The following TJP2 variants were observed in gnomAD, a reference collection of about 807,000 sequenced individuals.
The protein encoded by TJP2 is Friedreich ataxia region gene X104 (tight junction protein ZO-2).
A neutral mutation model predicts 133.1 loss-of-function variants in TJP2; 91 were observed. The ratio of observed to expected loss-of-function variants is 0.68; its 90% CI spans 0.58 to 0.81. The LOEUF is 0.81. Ranked by LOEUF, TJP2 falls within the 40% of genes least tolerant of loss-of-function variation. The pLI is 0.00. For synonymous variants in TJP2, 592 were observed against 583.4 expected (o/e 1.01, Z -0.21); for missense variants, 1,541 against 1,565.6 (o/e 0.98, Z 0.26).
At chr9:69,215,489 A>G (rs947446030) in intron 2 of TJP2, among the ~76,000 whole-genome samples, 1 of 151,412 alleles carries the variant, frequency 6.6e-6, no homozygotes, top group Non-Finnish European at 1.5e-5. Context: ...GGCTCAGGTG[A>G]TTCTCCCACC....
chr9:69,158,914 T>G (rs1271411317), intron 2 of TJP2, among the ~76,000 whole-genome samples: 1 of 152,154 alleles, frequency 6.6e-6, no homozygotes, highest in Non-Finnish European at 1.5e-5. Context: ...TCAGTCAAAA[T>G]TTTTATTCAT....
rs973822931 is a variant in TJP2 at position 69,162,373 on chromosome 9, C to T, written c.-10+10602C>T. On this transcript the variant is annotated intron_variant, in intron 2 of 5. Transcript: ENST00000423935. ...AGGAATATTCTATTCTGTTTAACAT[C>T]TTACAGGTTATTATCTTACATGTCT... Among the ~76,000 whole-genome samples the T allele has an allele frequency of 4.6e-5, 7 of 151,898 alleles. No homozygotes were observed. The East Asian group carries it at 1.2e-3, about 25-fold the overall frequency.
chr9:69,178,812 G>T (rs1222938099), intron 1 of TJP2, among the ~76,000 whole-genome samples: 1 of 152,112 alleles, frequency 6.6e-6, no homozygotes, highest in African/African-American at 2.4e-5. Flanking sequence ...TGATAGGGGA[G>T]GAAGTATTTT....
At chr9:69,146,627 A>G (rs970414912) in intron 1 of TJP2, among the ~76,000 whole-genome samples, 12 of 152,324 alleles carry the variant, frequency 7.9e-5, no homozygotes, top group African/African-American at 2.4e-4. Flanking sequence ...CCATTGTCCT[A>G]TCTCCCCAAG....
chr9:69,236,967 T>C lies in TJP2; in HGVS notation c.2010T>C (p.Ser670=), dbSNP rs1830235038. The change falls in exon 14 of 23, where the codon AGT becomes AGC. Residue 670 remains serine (S), a synonymous_variant. Transcript: ENST00000377245. ...TTCTCAGAGCTGAACAAATGGCCAG[T>C]GTTCAAAATGCCCAGAGAGACAACG... ...PNKSRAEQMA[S]VQNAQRDNAG... is the part of the protein sequence containing the mutation. The C allele has an allele frequency of 6.2e-7, 1 of 1,614,236 alleles. No homozygotes were observed. Among genetic ancestry groups the C allele is most frequent in the African/African-American group, 1.3e-5 (1 of 75,060 alleles).
chr9:69,225,716 T>C (rs1177770270), intron 6 of TJP2, among the ~76,000 whole-genome samples: 1 of 152,244 alleles, frequency 6.6e-6, no homozygotes, highest in East Asian at 1.9e-4. Flanking sequence ...GATATATGAA[T>C]GCTGAATATT....
intron 4 of TJP2, among the ~76,000 whole-genome samples, chr9:69,220,048 G>A (rs1588088796): frequency 6.6e-6 from 1 of 152,162 alleles, no homozygotes; most frequent in East Asian, 1.9e-4. Flanking sequence ...CTATCGGGAG[G>A]GTGAGGCACG....
At chr9:69,216,488 G>A (rs761964645) in intron 3 of TJP2, 25 bp downstream of exon 3, 1 of 1,613,522 alleles carries the variant, frequency 6.2e-7, no homozygotes, top group Non-Finnish European at 8.5e-7. Context: ...TCGCTCCGCA[G>A]CCCCTACCAG....
intron 22 of TJP2, 78 bp downstream of exon 22, chr9:69,252,978 C>A (rs1396890607): frequency 1.4e-6 from 2 of 1,401,086 alleles, no homozygotes; most frequent in South Asian, 1.2e-5. Context: ...ATTTCCTTTA[C>A]CCAAATTTCA....
chr9:69,191,163 G>A (rs1316341106), intron 1 of TJP2, among the ~76,000 whole-genome samples: 1 of 152,218 alleles, frequency 6.6e-6, no homozygotes, highest in Non-Finnish European at 1.5e-5. Context: ...TTTCAATGTA[G>A]TAAGGTGACC....
intron 1 of TJP2, among the ~76,000 whole-genome samples, chr9:69,193,201 C>T (rs1056375157): frequency 6.6e-6 from 1 of 152,118 alleles, no homozygotes; most frequent in Non-Finnish European, 1.5e-5. Context: ...CAGGCATGAG[C>T]CACCGTGCCT....
chr9:69,216,989 CTTTT>C (rs10718586), intron 3 of TJP2, among the ~76,000 whole-genome samples: 3 of 133,416 alleles, frequency 2.2e-5, no homozygotes, highest in Admixed American at 8.1e-5. Flanking sequence ...TTTTTCTTTT[CTTTT>C]TTTTTTTTTT....
intron 10 of TJP2, among the ~76,000 whole-genome samples, 173 bp downstream of exon 10, chr9:69,229,423 CAGCA>C (rs1181413220): frequency 6.6e-6 from 1 of 152,162 alleles, no homozygotes; most frequent in African/African-American, 2.4e-5. Context: ...TTTGTGGGAA[CAGCA>C]AAATGCGGAA....
Position 69,234,366 on chromosome 9 carries a change from T to C in TJP2, c.1672-73T>C, listed in dbSNP as rs1830006178. 29 of 1,247,490 alleles carry C rather than the reference T, an allele frequency of 2.3e-5. No individual in the cohort carries two copies. The South Asian group carries it at 4.1e-4, about 18-fold the overall frequency. 77.3% of individuals were successfully genotyped at this position (1,247,490 alleles called of 1,614,324 possible). A position where few individuals can be genotyped will look rare whatever the true frequency, so the allele number is the denominator to read the frequency against. On this transcript the variant is annotated intron_variant, in intron 11 of 22. Transcript: ENST00000377245. ...AGTGGCATCTTACTATAAACTTCTC[T>C]GTTTTTTCTTTCTTTCTTTCTTTCT...
rs573115806 is a variant in TJP2 at position 69,181,398 on chromosome 9, G to A, written c.60+6966G>A. Among the ~76,000 whole-genome samples the A allele has an allele frequency of 1.0e-3, 153 of 151,994 alleles. 1 individual carries two copies. The highest frequency in any genetic ancestry group is 3.2e-3 in the African/African-American group (132 of 41,428). On this transcript the variant is annotated intron_variant, in intron 1 of 22. Coordinates refer to ENST00000377245, the MANE Select transcript of TJP2 (RefSeq NM_004817.4). ...CAAGTAGCTGGGATTACAGGCACACGCCACCACACCCTGCTAATTTTTTGT... is the reference window on the plus strand; with the variant it reads ...CAAGTAGCTGGGATTACAGGCACACACCACCACACCCTGCTAATTTTTTGT...
At chr9:69,220,154 T>G (rs1828704921) in intron 4 of TJP2, among the ~76,000 whole-genome samples, 1 of 152,094 alleles carries the variant, frequency 6.6e-6, no homozygotes, top group Non-Finnish European at 1.5e-5. Context: ...ATAAATTAAA[T>G]AAATAAATAA....
At position 69,237,041 on chromosome 9, in the gene TJP2, TGAA is replaced by T. The variant is rs1427705476; in HGVS notation, c.2091_2093del (p.Lys697del). The T allele has an allele frequency of 1.2e-6, 2 of 1,613,984 alleles. No homozygotes were observed. On this transcript the variant is annotated inframe_deletion, in exon 14 of 23. Coordinates refer to ENST00000377245, the MANE Select transcript of TJP2 (RefSeq NM_004817.4). The stretch of plus-strand genomic sequence containing the variant: ...AGAATGCGTGGCCAGAGGTCTGGGG[TGAA>T]GAAGAACCTGAGGAAAAGTCGGGAA...
intron 1 of TJP2, among the ~76,000 whole-genome samples, chr9:69,127,915 C>CT (rs533707557): frequency 0.029 from 1,904 of 66,184 alleles, 658 homozygotes; most frequent in African/African-American, 0.08. Flanking sequence ...GTATCTGTTC[C>CT]TTTTTTTTTT....
intron 1 of TJP2, among the ~76,000 whole-genome samples, chr9:69,183,921 G>A (rs1253230643): frequency 6.6e-6 from 1 of 152,072 alleles, no homozygotes; most frequent in African/African-American, 2.4e-5. Context: ...TTTTAGTAGA[G>A]ACAGGTTTCT....
Sources: allele counts gnomAD v4.1 joint callset (sites outside exome capture counted in the v4.1 genomes callset), GRCh38; gene constraint gnomAD v4.1.1; transcripts MANE v1.5; gene names NCBI Gene and HGNC (gene_info 2026-07-23, HGNC 2026-07-21).